SLC22A8: variants seen among roughly 807,000 people sequenced by gnomAD.
SLC22A8 encodes the protein organic anion transporter 3.
Under a neutral mutation model 48.4 loss-of-function variants are expected in SLC22A8, and 40 were observed. The ratio of observed to expected loss-of-function variants is 0.83; its 90% CI spans 0.64 to 1.08. The LOEUF (loss-of-function observed/expected upper bound fraction) is 1.08. Among genes scored for constraint, SLC22A8 ranks in the 50% least tolerant of loss-of-function variants. The probability of loss-of-function intolerance (pLI) is 0.00; values close to 1 mark genes in which losing one functional copy is unlikely to be tolerated. For missense variants in SLC22A8, 606 were observed against 699.0 expected, an observed-to-expected ratio of 0.87 and a Z score of 1.50; for synonymous variants, 268 against 286.3, an observed-to-expected ratio of 0.94 and a Z score of 0.65.
intron 2 of SLC22A8, among the ~76,000 whole-genome samples, chr11:63,013,279 C>T (rs559229699): frequency 2.0e-5 from 3 of 152,146 alleles, no homozygotes; most frequent in Non-Finnish European, 2.9e-5. Context: ...AGGTTCTAGC[C>T]GTGTATAACA....
chr11:62,995,669 C>G lies in SLC22A8; in HGVS notation c.1001+35G>C, dbSNP rs11568483. ...CTGGAGGCCTTGTCTATCACCCCTT[C>G]CTTGGCAGGGTGTGGGCAGGGAGAG... On this transcript the variant is annotated intron_variant, in intron 7 of 10. Coordinates refer to ENST00000336232, the MANE Select transcript of SLC22A8 (RefSeq NM_004254.4). The G allele has an allele frequency of 6.8e-4, 1,029 of 1,505,144 alleles. 8 individuals are homozygous for G. In the Middle Eastern group the frequency reaches 8.3e-3, roughly 12 times the overall value. The allele number at this position is 1,505,144 out of a possible 1,614,324, so 93.2% of individuals were successfully genotyped here. A position where few individuals can be genotyped will look rare whatever the true frequency, so the allele number is the denominator to read the frequency against.
intron 2 of SLC22A8, among the ~76,000 whole-genome samples, chr11:63,012,175 A>G (rs2086626709): frequency 6.6e-6 from 1 of 151,902 alleles, no homozygotes; most frequent in African/African-American, 2.4e-5. Context: ...TTTTTAGTAG[A>G]GACAGGGTTT....
chr11:63,014,585 G>T, intron 2 of SLC22A8, 41 bp downstream of exon 2: 2 of 1,511,246 alleles, frequency 1.3e-6, no homozygotes, highest in Non-Finnish European at 1.8e-6. Flanking sequence ...GGGTATGGGG[G>T]TACGTGGGTA....
chr11:63,014,350 A>G (rs67754977), intron 2 of SLC22A8, among the ~76,000 whole-genome samples: 21,583 of 152,180 alleles, frequency 0.14, 1,612 homozygotes, highest in South Asian at 0.25. Flanking sequence ...GGGAGCAGGC[A>G]TGGTGCATTT....
At position 62,993,140 on chromosome 11, in the gene SLC22A8, T is replaced by A; in HGVS notation, c.*97A>T. ...TTCACCAAGCTCTCAGAAGGCTTCA[T>A]CCTAGGAGGATGGACCTATATGGGG... is the stretch of plus-strand genomic sequence containing the variant. On this transcript the variant is annotated 3_prime_UTR_variant, in exon 11 of 11. Transcript: ENST00000336232. The A allele has an allele frequency of 1.2e-6, 1 of 862,986 alleles. No individual in the cohort carries two copies. The highest frequency in any genetic ancestry group is 1.8e-6 in the Non-Finnish European group (1 of 554,328). The allele number at this position is 862,986 out of a possible 1,614,324, so 53.5% of individuals were successfully genotyped here. A position where few individuals can be genotyped will look rare whatever the true frequency, so the allele number is the denominator to read the frequency against.
At position 63,014,614 on chromosome 11, in the gene SLC22A8, G is replaced by T. The variant is rs749503514; in HGVS notation, c.333+12C>A. The stretch of plus-strand genomic sequence containing the variant: ...GTGGGTAAGTGGAGGGAGAGGGTTT[G>T]CCCAGGCATACCTCTGTCACAATGG... On this transcript the variant is annotated intron_variant, in intron 2 of 10. Coordinates refer to ENST00000336232, the MANE Select transcript of SLC22A8 (RefSeq NM_004254.4). 22 of 1,569,908 alleles carry T rather than the reference G, an allele frequency of 1.4e-5. No homozygotes were observed. The African/African-American group carries it at 3.0e-4, about 21-fold the overall frequency.
intron 8 of SLC22A8, 72 bp downstream of exon 8, chr11:62,994,470 C>T (rs2086384728): frequency 6.1e-6 from 7 of 1,139,820 alleles, no homozygotes; most frequent in Non-Finnish European, 9.0e-6. Context: ...GAGGCAGAGC[C>T]AGCAGTGAAG....
chr11:63,011,654 C>T (rs1469712141), intron 2 of SLC22A8, among the ~76,000 whole-genome samples: 1 of 152,172 alleles, frequency 6.6e-6, no homozygotes, highest in Non-Finnish European at 1.5e-5. Context: ...TCTGACTGTC[C>T]CTTCTATCTG....
Position 62,994,563 on chromosome 11 carries a change from C to A in SLC22A8, c.1195G>T (p.Ala399Ser), listed in dbSNP as rs11568497. 4.2e-4 allele frequency: 683 copies of A among 1,610,708 alleles called. 6 individuals carry two copies. In the South Asian group the frequency reaches 7.3e-3, roughly 17 times the overall value. The change falls in exon 8 of 11, where the codon GCT (alanine) becomes TCT (serine). Residue 399 changes from alanine (A) to serine (S), a missense_variant. Physicochemically the swap from Ala to Ser is moderately conservative, Grantham distance 99. Transcript: ENST00000336232. ...ALLLAGGAIL[A>S]LTFVPLDLQT... ...TCACCCAAGGGCACAAAGGTGAGAG[C>A]CAAGATGGCCCCTCCTGCCAGGAGC...
chr11:63,012,907 G>A (rs746969715), intron 2 of SLC22A8, among the ~76,000 whole-genome samples: 1 of 152,150 alleles, frequency 6.6e-6, no homozygotes, highest in East Asian at 1.9e-4. Context: ...CTTGGTGCTG[G>A]GGGGAGAAAG....
chr11:63,004,525 C>T (rs1354297571), intron 2 of SLC22A8, among the ~76,000 whole-genome samples: 1 of 152,160 alleles, frequency 6.6e-6, no homozygotes, highest in Non-Finnish European at 1.5e-5. Flanking sequence ...TGACTTGCAC[C>T]TCCTTCAGAT....
intron 3 of SLC22A8, among the ~76,000 whole-genome samples, chr11:63,000,295 C>T (rs1387826506): frequency 6.6e-6 from 1 of 152,020 alleles, no homozygotes; most frequent in Non-Finnish European, 1.5e-5. Context: ...ACCAGCCTGA[C>T]CAACATGGTG....
chr11:63,014,699 T>A lies in SLC22A8; in HGVS notation c.260A>T (p.Asp87Val). 6.2e-7 allele frequency: 1 copy of A among 1,613,942 alleles called. No homozygotes were observed. ...GCATGGCTCCATGGCCCTCTGGGTG[T>A]CATTGGGCAGGCTGGCATTGGGCGG... ...VHPPNASLPN[D>V]TQRAMEPCLD... is the part of the protein sequence containing the mutation. The change falls in exon 2 of 11, where the codon GAC (aspartate) becomes GTC (valine). Residue 87 changes from aspartate to valine, a missense_variant. By Grantham distance (152) the Asp-to-Val change is radical. Coordinates refer to ENST00000336232, the MANE Select transcript of SLC22A8 (RefSeq NM_004254.4).
intron 2 of SLC22A8, among the ~76,000 whole-genome samples, chr11:63,004,736 T>C (rs1196188220): frequency 1.3e-5 from 2 of 152,240 alleles, no homozygotes; most frequent in Non-Finnish European, 2.9e-5. Flanking sequence ...TTTAGTCTGT[T>C]TTGTTTACTA....
intron 3 of SLC22A8, among the ~76,000 whole-genome samples, chr11:63,000,414 G>A (rs2086478434): frequency 6.6e-6 from 1 of 151,662 alleles, no homozygotes; most frequent in Non-Finnish European, 1.5e-5. Context: ...AATCCGGGAG[G>A]TGGAGGTTGC....
Position 62,999,686 on chromosome 11 carries a change from A to T in SLC22A8, c.592+2T>A. 6.4e-7 allele frequency: 1 copy of T among 1,556,372 alleles called. No individual in the cohort carries two copies. The highest frequency in any genetic ancestry group is 8.7e-7 in the Non-Finnish European group (1 of 1,149,664). ...CCAGCTCCATGCCCCACTGCAGCTC[A>T]CTCAAGATGACGGTGCTCAGGGTAA... On this transcript the variant is annotated splice_donor_variant, in intron 4 of 10. Coordinates refer to ENST00000336232, the MANE Select transcript of SLC22A8 (RefSeq NM_004254.4). LOFTEE classifies it high-confidence loss of function.
intron 8 of SLC22A8, chr11:62,994,251 C>T (rs2086381233): frequency 1.9e-6 from 1 of 533,258 alleles, no homozygotes; most frequent in Admixed American, 3.2e-5. Flanking sequence ...TTTACCATCT[C>T]AGCTTATCTC....
chr11:63,013,936 G>A (rs1434356454), intron 2 of SLC22A8, among the ~76,000 whole-genome samples: 10 of 152,188 alleles, frequency 6.6e-5, no homozygotes, highest in Non-Finnish European at 1.2e-4. Context: ...GGTGGCAGGT[G>A]AGAGAGTCAA....
At chr11:63,000,572 G>T in intron 3 of SLC22A8, 148 bp downstream of exon 3, 1 of 581,736 alleles carries the variant, frequency 1.7e-6, no homozygotes, top group Non-Finnish European at 3.1e-6. Flanking sequence ...GGTCCAGAAA[G>T]GTAGTGAGGT....
Sources: allele counts gnomAD v4.1 joint callset (sites outside exome capture counted in the v4.1 genomes callset), GRCh38; gene constraint gnomAD v4.1.1; transcripts MANE v1.5; gene names NCBI Gene and HGNC (gene_info 2026-07-23, HGNC 2026-07-21).